PPM1L: variants seen among roughly 807,000 people sequenced by gnomAD.
PPM1L encodes the protein protein phosphatase, Mg2+/Mn2+ dependent 1L.
PPM1L carries 13 observed loss-of-function variants against 31.4 expected under a neutral mutation model. The ratio of observed to expected loss-of-function variants is 0.41; its 90% CI spans 0.27 to 0.66. The LOEUF (loss-of-function observed/expected upper bound fraction) is 0.66. Among genes scored for constraint, PPM1L ranks in the 30% least tolerant of loss-of-function variants. The pLI is 0.29. For missense variants in PPM1L, 326 were observed against 453.7 expected, an observed-to-expected ratio of 0.72 and a Z score of 2.56; for synonymous variants, 184 against 175.4, an observed-to-expected ratio of 1.05 and a Z score of -0.39.
chr3:161,045,010 C>G (rs1719017416), intron 2 of PPM1L, among the ~76,000 whole-genome samples: 1 of 152,040 alleles, frequency 6.6e-6, no homozygotes, highest in Non-Finnish European at 1.5e-5. Flanking sequence ...CAACAAAGAT[C>G]AAAAGAGACA....
chr3:160,939,728 T>G (rs181551235), intron 1 of PPM1L: 122 of 167,016 alleles, frequency 7.3e-4, no homozygotes, highest in Non-Finnish European at 1.2e-3. Context: ...GGAAATCCAA[T>G]TAAACCTCTT....
intron 2 of PPM1L, among the ~76,000 whole-genome samples, chr3:161,011,525 TTAAAG>T (rs1403494891): frequency 6.6e-6 from 1 of 151,630 alleles, no homozygotes; most frequent in Non-Finnish European, 1.5e-5. Flanking sequence ...CATAGGAACT[TTAAAG>T]TAGTTTTTTC....
At chr3:160,915,888 C>A (rs559267797) in intron 1 of PPM1L, among the ~76,000 whole-genome samples, 1 of 152,140 alleles carries the variant, frequency 6.6e-6, no homozygotes, top group African/African-American at 2.4e-5. Flanking sequence ...CCCTTCCTTA[C>A]ACCTTATACA....
intron 2 of PPM1L, among the ~76,000 whole-genome samples, chr3:161,038,547 C>T (rs1310125870): frequency 1.4e-5 from 2 of 143,032 alleles, no homozygotes; most frequent in African/African-American, 5.2e-5. Context: ...CTCAAGAGAT[C>T]CTCTTGCCTT....
At chr3:160,962,938 G>T (rs908632316) in intron 2 of PPM1L, among the ~76,000 whole-genome samples, 9 of 150,356 alleles carry the variant, frequency 6.0e-5, no homozygotes, top group Middle Eastern at 3.5e-3. Flanking sequence ...TTCCAGTTTT[G>T]CCCAGGACAT....
chr3:160,997,778 C>A (rs1576770765), intron 2 of PPM1L, among the ~76,000 whole-genome samples: 1 of 152,156 alleles, frequency 6.6e-6, no homozygotes, highest in East Asian at 1.9e-4. Context: ...AGCAAAGAAG[C>A]ACATATAGTC....
chr3:160,845,595 C>A (rs1271340630), intron 1 of PPM1L, among the ~76,000 whole-genome samples: 1 of 151,890 alleles, frequency 6.6e-6, no homozygotes, highest in Non-Finnish European at 1.5e-5. Flanking sequence ...CACAAATTTA[C>A]TCCAATGTTT....
In PPM1L at chr3:161,068,700, C is replaced by T. The variant is rs139406919; in HGVS notation, c.737-111C>T. ...GGAGTGATGGGGTTAAGGGGAGTGC[C>T]CACAGCCCAGTTCACATGAAGTAGG... On this transcript the variant is annotated intron_variant, in intron 3 of 3. Coordinates refer to ENST00000498165, the MANE Select transcript of PPM1L (RefSeq NM_139245.4). 959 of 852,780 alleles carry T rather than the reference C, an allele frequency of 1.1e-3. 10 individuals are homozygous for T. The African/African-American group carries it at 0.015, about 13-fold the overall frequency. The allele number at this position is 852,780 out of a possible 1,614,324, so 52.8% of individuals were successfully genotyped here. A position where few individuals can be genotyped will look rare whatever the true frequency, so the allele number is the denominator to read the frequency against.
At chr3:160,970,809 T>TTTTTTTTTA (rs1716310521) in intron 2 of PPM1L, among the ~76,000 whole-genome samples, 1 of 144,864 alleles carries the variant, frequency 6.9e-6, no homozygotes, top group African/African-American at 2.6e-5. Context: ...TTTTTTTTTT[T>TTTTTTTTTA]GAGACGGAGT....
intron 1 of PPM1L, among the ~76,000 whole-genome samples, chr3:160,940,411 C>G (rs1576728158): frequency 6.6e-6 from 1 of 152,202 alleles, no homozygotes; most frequent in Non-Finnish European, 1.5e-5. Flanking sequence ...CTCATGGCAG[C>G]CCCTCCCATC....
chr3:161,045,972 G>A lies in PPM1L; in HGVS notation c.575-19431G>A, dbSNP rs541122734. ...TAAAAATACAAAAAATTAGCCAGGCGTGGTGGCAGGTGCCTGTAGTCCCAG... is the reference window on the plus strand; with the variant it reads ...TAAAAATACAAAAAATTAGCCAGGCATGGTGGCAGGTGCCTGTAGTCCCAG... On this transcript the variant is annotated intron_variant, in intron 2 of 3. Transcript: ENST00000498165. Among the ~76,000 whole-genome samples the A allele has an allele frequency of 3.0e-3, 452 of 151,942 alleles. 1 individual carries two copies. The highest frequency in any genetic ancestry group is 4.9e-3 in the Non-Finnish European group (334 of 67,966).
At chr3:160,872,966 G>A (rs1449354358) in intron 1 of PPM1L, among the ~76,000 whole-genome samples, 1 of 152,178 alleles carries the variant, frequency 6.6e-6, no homozygotes. Context: ...TACTGTTTAT[G>A]ATGTGAGGAA....
At chr3:160,904,373 T>A (rs1223531966) in intron 1 of PPM1L, among the ~76,000 whole-genome samples, 1 of 152,206 alleles carries the variant, frequency 6.6e-6, no homozygotes, top group Non-Finnish European at 1.5e-5. Flanking sequence ...CTTAGTATAA[T>A]CTTTATATGC....
chr3:161,043,716 G>A (rs956882893), intron 2 of PPM1L, among the ~76,000 whole-genome samples: 4 of 152,190 alleles, frequency 2.6e-5, no homozygotes, highest in African/African-American at 9.7e-5. Context: ...TGGGAGAAGT[G>A]TTTTATATCA....
intron 2 of PPM1L, among the ~76,000 whole-genome samples, chr3:161,047,316 TGA>T (rs1719115364): frequency 6.6e-6 from 1 of 152,116 alleles, no homozygotes; most frequent in Non-Finnish European, 1.5e-5. Flanking sequence ...AGCCAAATCA[TGA>T]GAGAACTCCC....
At chr3:160,839,979 G>T (rs1477177388) in intron 1 of PPM1L, among the ~76,000 whole-genome samples, 1 of 152,180 alleles carries the variant, frequency 6.6e-6, no homozygotes, top group African/African-American at 2.4e-5. Context: ...AAAAGTCATG[G>T]AGTAGGGAGG....
intron 2 of PPM1L, among the ~76,000 whole-genome samples, chr3:160,970,510 C>CG (rs1553750856): frequency 2.8e-5 from 4 of 143,200 alleles, no homozygotes; most frequent in Non-Finnish European, 1.5e-5. Context: ...AGTGCAGTGG[C>CG]GCAATCTTGG....
chr3:160,831,233 G>T (rs1397993705), intron 1 of PPM1L, among the ~76,000 whole-genome samples: 1 of 152,108 alleles, frequency 6.6e-6, no homozygotes, highest in East Asian at 1.9e-4. Context: ...TTGAGATGAT[G>T]GATATGCTAA....
At chr3:160,962,387 C>A (rs191790098) in intron 2 of PPM1L, among the ~76,000 whole-genome samples, 1 of 152,242 alleles carries the variant, frequency 6.6e-6, no homozygotes, top group East Asian at 1.9e-4. Context: ...GCCATAGGTT[C>A]TTCCCATCCA....
Sources: gnomAD v4.1 joint callset for allele counts (sites outside exome capture counted in the v4.1 genomes callset) on GRCh38, gnomAD v4.1.1 for gene constraint, MANE v1.5 for transcripts, NCBI Gene and HGNC (gene_info 2026-07-23, HGNC 2026-07-21) for gene names.